The following SLC37A1 variants were observed in gnomAD, a reference collection of about 807,000 sequenced individuals.
SLC37A1 encodes the protein solute carrier family 37 member 1, also known as glucose-6-phosphate exchanger SLC37A1.
Under a neutral mutation model 75.3 loss-of-function variants are expected in SLC37A1, and 49 were observed. The ratio of observed to expected loss-of-function variants is 0.65; its 90% CI spans 0.52 to 0.83. SLC37A1 has a LOEUF of 0.83. SLC37A1 is among the 40% of genes least tolerant of loss of function. SLC37A1 has a pLI of 0.00. For missense variants in SLC37A1, 566 were observed against 695.0 expected (o/e 0.81, Z 2.09); for synonymous variants, 268 against 292.1 (o/e 0.92, Z 0.84).
In SLC37A1 at chr21:42,563,841, G is replaced by C. The variant is rs1417048899; in HGVS notation, c.1099G>C (p.Glu367Gln). 6.2e-7 allele frequency: 1 copy of C among 1,614,102 alleles called. No homozygotes were observed. Among genetic ancestry groups the C allele is most frequent in the Non-Finnish European group, 8.5e-7 (1 of 1,180,048 alleles). The change falls in exon 13 of 20, where the codon GAG becomes CAG. Residue 367 changes from glutamate to glutamine, a missense_variant. Coordinates refer to ENST00000352133, the MANE Select transcript of SLC37A1 (RefSeq NM_001320537.2). ...VDHLDAKKAG[E>Q]LSTLFDVGGI... ...TCACCTTGATGCCAAAAAGGCGGGG[G>C]AGCTCTCCACCCTGTTTGACGTGGG... is the stretch of plus-strand genomic sequence containing the variant.
At chr21:42,554,601 G>C (rs547229877) in intron 10 of SLC37A1, among the ~76,000 whole-genome samples, 1 of 152,192 alleles carries the variant, frequency 6.6e-6, no homozygotes, top group Non-Finnish European at 1.5e-5. Flanking sequence ...GGTGAGGGGC[G>C]CACGGTGGGC....
intron 3 of SLC37A1, among the ~76,000 whole-genome samples, chr21:42,531,234 A>T (rs2054969120): frequency 6.6e-6 from 1 of 151,930 alleles, no homozygotes; most frequent in Non-Finnish European, 1.5e-5. Context: ...TTCCCCGCAC[A>T]CTCGTCGCGC....
Position 42,562,099 on chromosome 21 carries a change from T to C in SLC37A1, c.1003T>C (p.Cys335Arg), listed in dbSNP as rs2055844902. The C allele has an allele frequency of 6.2e-7, 1 of 1,614,252 alleles. No individual in the cohort carries two copies. The highest frequency in any genetic ancestry group is 2.2e-5 in the East Asian group (1 of 44,890). ...TCAGGGCGTGATAGAGTTCTCACTGTGTCTGCTGTTTGCCAAGCTGGTCAG... is the reference window on the plus strand; with the variant it reads ...TCAGGGCGTGATAGAGTTCTCACTGCGTCTGCTGTTTGCCAAGCTGGTCAG... ...KIPGVIEFSL[C>R]LLFAKLVSYT... Residue 335 changes from cysteine to arginine, a missense_variant, in exon 12 of 20, where the codon TGT (cysteine) becomes CGT (arginine). Transcript: ENST00000352133.
chr21:42,564,587 T>A (rs934711925), intron 13 of SLC37A1, 121 bp from the exon 14 acceptor site: 5 of 753,774 alleles, frequency 6.6e-6, no homozygotes, highest in Non-Finnish European at 1.1e-5. Flanking sequence ...CTGCCCGTGA[T>A]GCATGGAGAG....
intron 2 of SLC37A1, among the ~76,000 whole-genome samples, chr21:42,507,385 G>C (rs1449909517): frequency 6.6e-6 from 1 of 152,188 alleles, no homozygotes; most frequent in Admixed American, 6.5e-5. Context: ...CTGTGAGGGG[G>C]ACTGGCTGCC....
At chr21:42,560,727 T>C (rs1373403331) in intron 11 of SLC37A1, among the ~76,000 whole-genome samples, 4 of 152,218 alleles carry the variant, frequency 2.6e-5, no homozygotes, top group Non-Finnish European at 4.4e-5. Flanking sequence ...CTGTGGAAGC[T>C]GCTGGGTTTA....
At position 42,552,226 on chromosome 21, in the gene SLC37A1, C is replaced by G. The variant is rs955433254; in HGVS notation, c.769-1836C>G. Among the ~76,000 whole-genome samples, 8 of 152,088 alleles carry G rather than the reference C, an allele frequency of 5.3e-5. No homozygotes were observed. The highest frequency in any genetic ancestry group is 1.9e-4 in the African/African-American group (8 of 41,388). On this transcript the variant is annotated intron_variant, in intron 9 of 19. Transcript: ENST00000352133. This position sits in a 1 kb window ranked among gnomAD's most constrained non-coding sequence, Gnocchi z 4.2. ...AGGTTTAGGATATCTATTTTGTGCC[C>G]TAATCTAGGACCTCATTGGGTCCAA...
intron 18 of SLC37A1, among the ~76,000 whole-genome samples, chr21:42,578,619 C>T (rs1486722815): frequency 2.0e-5 from 3 of 152,166 alleles, no homozygotes; most frequent in Non-Finnish European, 2.9e-5. Flanking sequence ...TTGCTATTGT[C>T]ACCAGCACTA....
At chr21:42,565,675 A>AG (rs1418354509) in intron 14 of SLC37A1, 152 bp from the exon 15 acceptor site, 2 of 648,864 alleles carry the variant, frequency 3.1e-6, no homozygotes, top group Non-Finnish European at 5.4e-6. Context: ...CTGAGACGGG[A>AG]GGGGGCGTGG....
intron 2 of SLC37A1, among the ~76,000 whole-genome samples, chr21:42,520,526 G>A (rs2054622666): frequency 6.6e-6 from 1 of 152,218 alleles, no homozygotes; most frequent in Non-Finnish European, 1.5e-5. Context: ...TGGAGAAGGA[G>A]CTATAGGCAT....
intron 8 of SLC37A1, among the ~76,000 whole-genome samples, chr21:42,544,565 A>T (rs2055360302): frequency 6.6e-6 from 1 of 152,224 alleles, no homozygotes; most frequent in African/African-American, 2.4e-5. Context: ...AGACACACCC[A>T]TTGGTGTGAG....
rs747218579 is a variant in SLC37A1, at chr21:42,580,387, G to T, written c.*27G>T. ...ACCCCACCCCAGTCCCGTGGAGGGG[G>T]TCTGGGCCCACCCTTCACAACTGCC... On this transcript the variant is annotated 3_prime_UTR_variant, in exon 20 of 20. Coordinates refer to ENST00000352133, the MANE Select transcript of SLC37A1 (RefSeq NM_001320537.2). 2.5e-6 allele frequency: 4 copies of T among 1,611,906 alleles called. No homozygotes were observed. In the South Asian group the frequency reaches 4.4e-5, roughly 18 times the overall value.
At chr21:42,561,980 T>G in intron 11 of SLC37A1, 98 bp from the exon 12 acceptor site, 1 of 959,840 alleles carries the variant, frequency 1.0e-6, no homozygotes, top group East Asian at 2.4e-5. Flanking sequence ...AGACAGGATG[T>G]CTTTATGGGA....
At chr21:42,557,598 T>C (rs1187203458) in intron 10 of SLC37A1, among the ~76,000 whole-genome samples, 1 of 152,238 alleles carries the variant, frequency 6.6e-6, no homozygotes, top group Non-Finnish European at 1.5e-5. Context: ...GTCCTAGCTG[T>C]GAAGCCGGGC....
intron 2 of SLC37A1, among the ~76,000 whole-genome samples, chr21:42,503,342 C>A (rs940990852): frequency 6.6e-5 from 10 of 151,454 alleles, no homozygotes; most frequent in African/African-American, 2.4e-4. Context: ...CTAGACCTCC[C>A]AGGTTCACGT....
At chr21:42,564,671 G>A (rs2055926550) in intron 13 of SLC37A1, 37 bp from the exon 14 acceptor site, 5 of 1,568,818 alleles carry the variant, frequency 3.2e-6, no homozygotes, top group Middle Eastern at 1.7e-4. Flanking sequence ...CTCATGCCCT[G>A]GGACGTCAGT....
chr21:42,577,186 T>TGGATCTATCTTGAGATGCATCTC (rs2056326410), intron 18 of SLC37A1, among the ~76,000 whole-genome samples: 1 of 146,544 alleles, frequency 6.8e-6, no homozygotes, highest in Admixed American at 7.0e-5. Context: ...AGAAGGAAAG[T>TGGATCTATCTTGAGATGCATCTC]CTGAGATGCA....
At chr21:42,580,096 T>C (rs1288819720) in intron 19 of SLC37A1, among the ~76,000 whole-genome samples, 1 of 150,402 alleles carries the variant, frequency 6.6e-6, no homozygotes, top group Non-Finnish European at 1.5e-5. Context: ...CCCTTCTCCC[T>C]CCCTCCTCTT....
At chr21:42,567,151 C>T (rs2056001286) in intron 16 of SLC37A1, 93 bp downstream of exon 16, 2 of 1,369,126 alleles carry the variant, frequency 1.5e-6, no homozygotes, top group Non-Finnish European at 2.0e-6. Flanking sequence ...AGTAAAACTG[C>T]ATTTGCAGAA....
Sources: gnomAD v4.1 joint callset for allele counts (sites outside exome capture counted in the v4.1 genomes callset) on GRCh38, gnomAD v4.1.1 for gene constraint, Gnocchi (gnomAD v3.1) non-coding constraint, MANE v1.5 for transcripts, NCBI Gene and HGNC (gene_info 2026-07-23, HGNC 2026-07-21) for gene names.